CLIP1: variants seen among roughly 807,000 people sequenced by gnomAD.
CLIP1 encodes the protein CAP-Gly domain containing linker protein 1.
A neutral mutation model predicts 161.6 loss-of-function variants in CLIP1; 66 were observed. The observed-to-expected ratio is 0.41, with a 90% CI of 0.33 to 0.50. The LOEUF (loss-of-function observed/expected upper bound fraction) is 0.50. Ranked by LOEUF, CLIP1 falls within the 20% of genes least tolerant of loss-of-function variation. CLIP1 has a pLI of 0.27. For missense variants in CLIP1, 1,376 were observed against 1,702.0 expected (o/e 0.81, Z 3.37); for synonymous variants, 598 against 626.2 (o/e 0.96, Z 0.67).
rs1954006122 is a variant in CLIP1 at position 122,364,012 on chromosome 12, C to T, written c.753G>A (p.Gly251=). ...WCGVELDEPL[G]KNDGAVAGTR... ...TTCCAGCAACAGCGCCATCATTCTT[C>T]CCAAGTGGCTCATCTAACTCCACGC... The change falls in exon 4 of 26, where the codon GGG becomes GGA. Residue 251 remains glycine (G), a synonymous_variant. Transcript: ENST00000620786. The T allele has an allele frequency of 1.2e-6, 2 of 1,614,062 alleles. No homozygotes were observed. Among genetic ancestry groups the T allele is most frequent in the Admixed American group, 3.3e-5 (2 of 59,990 alleles).
At chr12:122,321,059 G>C (rs981542734) in intron 17 of CLIP1, among the ~76,000 whole-genome samples, 3 of 141,770 alleles carry the variant, frequency 2.1e-5, no homozygotes, top group African/African-American at 8.2e-5. Flanking sequence ...AATAAATAAA[G>C]TCCTTTAGGC....
intron 1 of CLIP1, among the ~76,000 whole-genome samples, chr12:122,389,728 C>T (rs995895539): frequency 1.3e-4 from 15 of 119,316 alleles, no homozygotes; most frequent in African/African-American, 4.7e-4. Flanking sequence ...CACTGCATTC[C>T]AGCCAGGAGA....
At chr12:122,321,114 G>A (rs1951484092) in intron 17 of CLIP1, among the ~76,000 whole-genome samples, 1 of 151,946 alleles carries the variant, frequency 6.6e-6, no homozygotes, top group Non-Finnish European at 1.5e-5. Context: ...TGAAAATTCT[G>A]CATTTTTCCC....
intron 1 of CLIP1, chr12:122,395,704 A>G (rs1955885863): frequency 6.6e-6 from 1 of 152,204 alleles, no homozygotes; most frequent in African/African-American, 2.4e-5. Context: ...ATAGCTGAAC[A>G]CCAGTCATGT....
intron 1 of CLIP1, among the ~76,000 whole-genome samples, chr12:122,390,310 A>G (rs1327849716): frequency 4.5e-5 from 6 of 134,812 alleles, no homozygotes; most frequent in Admixed American, 3.9e-4. Context: ...ATATGTATAT[A>G]TATATATATT....
intron 20 of CLIP1, among the ~76,000 whole-genome samples, chr12:122,291,892 T>C (rs1405095512): frequency 6.6e-6 from 1 of 152,246 alleles, no homozygotes; most frequent in Admixed American, 6.5e-5. Context: ...GAACAAATTA[T>C]TACCATGCTG....
intron 1 of CLIP1, among the ~76,000 whole-genome samples, chr12:122,390,300 ATATG>A (rs1327361634): frequency 1.5e-5 from 2 of 129,274 alleles, no homozygotes; most frequent in Admixed American, 8.1e-5. Context: ...ATATATATAT[ATATG>A]TATATATATA....
In CLIP1 at chr12:122,377,616, G is replaced by A. The variant is rs984649575; in HGVS notation, c.430C>T (p.Arg144Ter). ...ANGLQTTPAS[R>*]ATSPLCTSTA... ...GAAGTGCACAGCGGTGAAGTAGCTC[G>A]GGAGGCGGGCGTTGTCTGCAGGCCA... Residue 144 changes from arginine (R) to a stop codon, truncating the protein, a stop_gained, in exon 3 of 26, where the codon CGA becomes TGA. Coordinates refer to ENST00000620786, the MANE Select transcript of CLIP1 (RefSeq NM_001247997.2). LOFTEE classifies it high-confidence loss of function. The A allele has an allele frequency of 3.7e-6, 6 of 1,613,716 alleles. No individual in the cohort carries two copies. In the African/African-American group the frequency reaches 4.0e-5, roughly 11 times the overall value.
chr12:122,414,821 AC>A (rs1241954285), intron 1 of CLIP1, among the ~76,000 whole-genome samples: 1 of 152,032 alleles, frequency 6.6e-6, no homozygotes, highest in African/African-American at 2.4e-5. Flanking sequence ...GTGCATTGTA[AC>A]TCAAATGCCA....
chr12:122,370,112 G>A lies in CLIP1; in HGVS notation c.658-6005C>T, dbSNP rs138117762. On this transcript the variant is annotated intron_variant, in intron 3 of 25. Coordinates refer to ENST00000620786, the MANE Select transcript of CLIP1 (RefSeq NM_001247997.2). The stretch of plus-strand genomic sequence containing the variant: ...CTGTAGGCAGAGGGTGCAATGAGCC[G>A]AAATGGCGCTGCTGCACTTCAGCCT... Among the ~76,000 whole-genome samples the A allele has an allele frequency of 8.7e-5, 13 of 150,156 alleles. No homozygotes were observed. In the East Asian group the frequency reaches 2.0e-3, roughly 23 times the overall value.
chr12:122,377,708 G>C lies in CLIP1; in HGVS notation c.338C>G (p.Pro113Arg). Residue 113 changes from proline to arginine, a missense_variant, in exon 3 of 26, where the codon CCT becomes CGT. Physicochemically the swap from Pro to Arg is moderately radical, Grantham distance 103 (BLOSUM62 -2). Coordinates refer to ENST00000620786, the MANE Select transcript of CLIP1 (RefSeq NM_001247997.2). ...AGGTCGGGTAAATATGCCCTTTAAA[G>C]GTTCACACTGGAAATACCGAACTCC... is the stretch of plus-strand genomic sequence containing the variant. ...VAGVRYFQCEPLKGIFTRPSK... is the reference protein window; with the variant it reads ...VAGVRYFQCERLKGIFTRPSK... The C allele has an allele frequency of 6.2e-7, 1 of 1,613,780 alleles. No homozygotes were observed. The highest frequency in any genetic ancestry group is 8.5e-7 in the Non-Finnish European group (1 of 1,179,988).
At chr12:122,354,577 G>T (rs561252581) in intron 6 of CLIP1, 21 bp from the exon 7 acceptor site, 4 of 1,582,110 alleles carry the variant, frequency 2.5e-6, no homozygotes, top group Non-Finnish European at 3.5e-6. Flanking sequence ...CAAGAATGTC[G>T]GTAAATGGAC....
intron 1 of CLIP1, among the ~76,000 whole-genome samples, chr12:122,401,140 A>G (rs1956127839): frequency 6.6e-6 from 1 of 151,982 alleles, no homozygotes; most frequent in African/African-American, 2.4e-5. Flanking sequence ...CGAACTCCCG[A>G]CCTCAGGTGA....
chr12:122,286,520 TAAAAAAAAAA>T (rs57260606), intron 21 of CLIP1, among the ~76,000 whole-genome samples: 19 of 28,254 alleles, frequency 6.7e-4, no homozygotes, highest in South Asian at 3.7e-3. Flanking sequence ...GACTCTGTCT[TAAAAAAAAAA>T]AAAAAAAAAA....
At chr12:122,393,974 G>A (rs559200282) in intron 1 of CLIP1, among the ~76,000 whole-genome samples, 1 of 147,264 alleles carries the variant, frequency 6.8e-6, no homozygotes, top group South Asian at 2.2e-4. Context: ...ACATGTGACT[G>A]TTTCGGAGGG....
chr12:122,351,059 G>C, intron 9 of CLIP1, 52 bp downstream of exon 9: 6 of 1,344,734 alleles, frequency 4.5e-6, no homozygotes, highest in African/African-American at 1.4e-5. Context: ...TTTAATCTGT[G>C]ATCAATCTTT....
chr12:122,422,618 G>C lies in CLIP1; in HGVS notation c.-204C>G. ...GCCTCCCGGCTCGTCGGCTCGGGGC[G>C]GGGGAGAGCGTGACGCGCCGCCGCC... is the stretch of plus-strand genomic sequence containing the variant. On this transcript the variant is annotated 5_prime_UTR_variant, in exon 1 of 26. Transcript: ENST00000620786. 6.8e-6 allele frequency: 1 copy of C among 147,068 alleles called. No homozygotes were observed. The highest frequency in any genetic ancestry group is 1.9e-4 in the South Asian group (1 of 5,404). 9.1% of individuals were successfully genotyped at this position (147,068 alleles called of 1,614,324 possible).
At chr12:122,364,634 G>A in intron 3 of CLIP1, 1 of 398,518 alleles carries the variant, frequency 2.5e-6, no homozygotes, top group Non-Finnish European at 4.9e-6. Context: ...TGAACTCCTG[G>A]GCTCAAGTGA....
intron 5 of CLIP1, among the ~76,000 whole-genome samples, chr12:122,357,407 G>A (rs1162470864): frequency 6.2e-5 from 9 of 145,164 alleles, no homozygotes; most frequent in African/African-American, 2.3e-4. Context: ...CCCGGCAGCC[G>A]CCCTGTCTGA....
Sources: allele counts gnomAD v4.1 joint callset (sites outside exome capture counted in the v4.1 genomes callset), GRCh38; gene constraint gnomAD v4.1.1; transcripts MANE v1.5; gene names NCBI Gene and HGNC (gene_info 2026-07-23, HGNC 2026-07-21).